CALU: variants seen among roughly 807,000 people sequenced by gnomAD.
The protein encoded by CALU is IEF SSP 9302.
CALU carries 13 observed loss-of-function variants against 37.5 expected under a neutral mutation model. The observed-to-expected ratio is 0.35, with a 90% CI of 0.23 to 0.55. The LOEUF (loss-of-function observed/expected upper bound fraction) is 0.55, where lower values mean the gene tolerates loss of function less well. Among genes scored for constraint, CALU ranks in the 20% least tolerant of loss-of-function variants. The pLI is 0.89. For synonymous variants in CALU, 114 were observed against 133.8 expected (o/e 0.85, Z 1.02); for missense variants, 282 against 391.7 (o/e 0.72, Z 2.36).
At chr7:128,748,484 A>G (rs918963546) in intron 1 of CALU, 89 bp from the exon 2 acceptor site, 4 of 1,204,256 alleles carry the variant, frequency 3.3e-6, no homozygotes, top group Non-Finnish European at 4.7e-6. Context: ...TATCAAATTA[A>G]TAGTTTAACT....
At chr7:128,743,114 A>T (rs1047073103) in intron 1 of CALU, among the ~76,000 whole-genome samples, 1 of 152,194 alleles carries the variant, frequency 6.6e-6, no homozygotes, top group African/African-American at 2.4e-5. Flanking sequence ...CTTAGTAGTC[A>T]CATGTGGCTA....
At chr7:128,766,250 C>T in intron 5 of CALU, among the ~76,000 whole-genome samples, 1 of 152,250 alleles carries the variant, frequency 6.6e-6, no homozygotes, top group South Asian at 2.1e-4. Flanking sequence ...GCATGAGCCA[C>T]TGCACCCAGC....
At chr7:128,759,134 T>C in intron 4 of CALU, 97 bp downstream of exon 4, 1 of 805,980 alleles carries the variant, frequency 1.2e-6, no homozygotes, top group Non-Finnish European at 2.0e-6. Context: ...ATCTTATATA[T>C]ATATATGCTA....
At chr7:128,754,784 C>A in intron 3 of CALU, 2 of 995,040 alleles carry the variant, frequency 2.0e-6, no homozygotes, top group South Asian at 1.7e-5. Flanking sequence ...ACAAATGGGT[C>A]ACACAGTAAA....
intron 2 of CALU, among the ~76,000 whole-genome samples, chr7:128,751,236 C>T (rs554905493): frequency 1.4e-5 from 2 of 144,190 alleles, no homozygotes; most frequent in African/African-American, 5.3e-5. Context: ...TGCAGTGAGC[C>T]AAGATCGCAC....
intron 5 of CALU, among the ~76,000 whole-genome samples, chr7:128,760,181 A>G (rs1340819568): frequency 6.6e-6 from 1 of 152,130 alleles, no homozygotes; most frequent in East Asian, 1.9e-4. Context: ...CTGGGCAACA[A>G]GAGTGAAACT....
At chr7:128,756,650 T>C (rs1271165577) in intron 3 of CALU, among the ~76,000 whole-genome samples, 1 of 152,192 alleles carries the variant, frequency 6.6e-6, no homozygotes, top group East Asian at 1.9e-4. Flanking sequence ...TACTGAGATC[T>C]ACCCTGCCTA....
In CALU at chr7:128,767,091, A is replaced by G. The variant is rs549971552; in HGVS notation, c.644-365A>G. Reference sequence around the variant, plus strand: ...AATGGACTCTTTGTAGTAATTGGCTACACCTTTCTAAAACAAGTGGTCCCG... The same window carrying G: ...AATGGACTCTTTGTAGTAATTGGCTGCACCTTTCTAAAACAAGTGGTCCCG... On this transcript the variant is annotated intron_variant, in intron 5 of 6. Transcript: ENST00000249364. Among the ~76,000 whole-genome samples the G allele has an allele frequency of 7.2e-5, 11 of 152,330 alleles. No individual in the cohort carries two copies. In the East Asian group the frequency reaches 1.9e-3, roughly 27 times the overall value.
rs1266522340 is a variant in CALU at position 128,769,963 on chromosome 7, T to G, written c.*796T>G. On this transcript the variant is annotated 3_prime_UTR_variant, in exon 7 of 7. Coordinates refer to ENST00000249364, the MANE Select transcript of CALU (RefSeq NM_001219.5). ...AAACTAAAGGAAAAATACAAGTGTT[T>G]TCGGGGCATACATTTTTTTTCTGGG... 1 of 152,372 alleles carries G rather than the reference T, an allele frequency of 6.6e-6. No homozygotes were observed. The highest frequency in any genetic ancestry group is 2.4e-5 in the African/African-American group (1 of 41,462). The allele number at this position is 152,372 out of a possible 1,614,324, so 9.4% of individuals were successfully genotyped here. A position where few individuals can be genotyped will look rare whatever the true frequency, so the allele number is the denominator to read the frequency against.
chr7:128,759,128 T>C (rs1487139987), intron 4 of CALU, 91 bp downstream of exon 4: 7 of 698,132 alleles, frequency 1.0e-5, no homozygotes, highest in Non-Finnish European at 1.6e-5. Context: ...TAGCATATCT[T>C]ATATATATAT....
chr7:128,759,881 A>G (rs1014258946), intron 5 of CALU, 29 bp downstream of exon 5: 1 of 1,097,864 alleles, frequency 9.1e-7, no homozygotes, highest in Non-Finnish European at 1.4e-6. Context: ...TGTTTTTCTT[A>G]GAAAAGCTGA....
At chr7:128,754,133 G>A in intron 2 of CALU, 129 bp from the exon 3 acceptor site, 1 of 670,198 alleles carries the variant, frequency 1.5e-6, no homozygotes, top group Non-Finnish European at 2.5e-6. Context: ...TTTTTCAGTT[G>A]CTGGCCTGGC....
intron 2 of CALU, among the ~76,000 whole-genome samples, chr7:128,749,276 ATTTG>A (rs1382693010): frequency 6.6e-6 from 1 of 152,250 alleles, no homozygotes; most frequent in African/African-American, 2.4e-5. Context: ...ATTCTCAGAT[ATTTG>A]TTTAATTAAA....
At chr7:128,743,508 A>G (rs1031075325) in intron 1 of CALU, among the ~76,000 whole-genome samples, 8 of 151,610 alleles carry the variant, frequency 5.3e-5, no homozygotes, top group African/African-American at 7.3e-5. Flanking sequence ...AAAGTATCCA[A>G]TTTAAACTTT....
intron 2 of CALU, among the ~76,000 whole-genome samples, chr7:128,753,919 C>T (rs950311513): frequency 2.6e-5 from 4 of 152,076 alleles, no homozygotes; most frequent in Non-Finnish European, 5.9e-5. Context: ...AAAATGAAAA[C>T]AAGGAAAAAC....
At chr7:128,750,220 C>CAAAAAAAAAAAAA (rs398006225) in intron 2 of CALU, among the ~76,000 whole-genome samples, 1 of 75,096 alleles carries the variant, frequency 1.3e-5, no homozygotes. Context: ...AGAGCCATCT[C>CAAAAAAAAAAAAA]AAAAAAAAAA....
At chr7:128,762,096 C>T (rs1422769870) in intron 5 of CALU, among the ~76,000 whole-genome samples, 2 of 150,694 alleles carry the variant, frequency 1.3e-5, no homozygotes, top group African/African-American at 5.0e-5. Context: ...TGCCTAGGTG[C>T]ATTTACTGAG....
At position 128,771,834 on chromosome 7, in the gene CALU, T is replaced by C. The variant is rs1296611897; in HGVS notation, c.*2667T>C. The stretch of plus-strand genomic sequence containing the variant: ...ATTTTGGTATTGTTTACAAATGTTA[T>C]TAAAACATGCAAATTCATTTTGAGA... On this transcript the variant is annotated 3_prime_UTR_variant, in exon 7 of 7. Coordinates refer to ENST00000249364, the MANE Select transcript of CALU (RefSeq NM_001219.5). The C allele has an allele frequency of 6.6e-6, 1 of 152,458 alleles. No homozygotes were observed. Among genetic ancestry groups the C allele is most frequent in the Non-Finnish European group, 1.5e-5 (1 of 68,214 alleles). 9.4% of individuals were successfully genotyped at this position (152,458 alleles called of 1,614,324 possible). A position where few individuals can be genotyped will look rare whatever the true frequency, so the allele number is the denominator to read the frequency against.
chr7:128,744,062 C>T (rs1467349009), intron 1 of CALU, among the ~76,000 whole-genome samples: 1 of 151,984 alleles, frequency 6.6e-6, no homozygotes, highest in Non-Finnish European at 1.5e-5. Flanking sequence ...AAAAATTATT[C>T]GGGCGTGGTA....
Sources: gnomAD v4.1 joint callset for allele counts (sites outside exome capture counted in the v4.1 genomes callset) on GRCh38, gnomAD v4.1.1 for gene constraint, MANE v1.5 for transcripts, NCBI Gene and HGNC (gene_info 2026-07-23, HGNC 2026-07-21) for gene names.